The following SYCP2L variants were observed in gnomAD, a reference collection of about 807,000 sequenced individuals.
The protein encoded by SYCP2L is synaptonemal complex protein 2 like, also known as synaptonemal complex protein 2-like.
In SYCP2L, 98 loss-of-function variants were observed where a neutral mutation model predicts 125.8. That is an observed-to-expected ratio of 0.78 (90% CI 0.66 to 0.92). The LOEUF (loss-of-function observed/expected upper bound fraction) is 0.92, where lower values mean the gene tolerates loss of function less well. Ranked by LOEUF, SYCP2L falls within the 40% of genes least tolerant of loss-of-function variation. SYCP2L has a pLI of 0.00. For missense variants in SYCP2L, 842 were observed against 936.4 expected (o/e 0.90, Z 1.32); for synonymous variants, 317 against 325.4 (o/e 0.97, Z 0.28).
At chr6:10,945,299 T>A (rs561735657) in intron 23 of SYCP2L, among the ~76,000 whole-genome samples, 13 of 152,288 alleles carry the variant, frequency 8.5e-5, no homozygotes, top group African/African-American at 3.1e-4. Context: ...ATTCATTAGG[T>A]TACTTTTCTT....
At chr6:10,959,484 A>C (rs1781560667) in intron 26 of SYCP2L, among the ~76,000 whole-genome samples, 1 of 152,250 alleles carries the variant, frequency 6.6e-6, no homozygotes, top group Non-Finnish European at 1.5e-5. Context: ...TGATGGTTAC[A>C]AAACACTGTG....
intron 2 of SYCP2L, among the ~76,000 whole-genome samples, chr6:10,892,385 G>GA (rs1425245214): frequency 1.2e-4 from 18 of 152,158 alleles, no homozygotes; most frequent in Admixed American, 5.2e-4. Context: ...CTGCAGCCTT[G>GA]ACCTCCTGGG....
chr6:10,964,262 TCTC>T (rs1781642701), intron 29 of SYCP2L, among the ~76,000 whole-genome samples: 1 of 152,170 alleles, frequency 6.6e-6, no homozygotes, highest in African/African-American at 2.4e-5. Flanking sequence ...TGGCAGAGCT[TCTC>T]CTTTATAGCA....
chr6:10,887,355 G>A (rs534908455), intron 1 of SYCP2L, among the ~76,000 whole-genome samples: 2 of 152,308 alleles, frequency 1.3e-5, no homozygotes, highest in African/African-American at 2.4e-5. Context: ...GCTAAATAGC[G>A]CTCAGGGAAA....
chr6:10,937,130 A>T (rs1439903408), intron 21 of SYCP2L, among the ~76,000 whole-genome samples: 3 of 152,238 alleles, frequency 2.0e-5, no homozygotes, highest in Admixed American at 6.5e-5. Flanking sequence ...ACAGCAGTGG[A>T]ACACTTATTC....
At chr6:10,972,682 CTTTCGCTTTTTAT>C (rs1781795997) in intron 29 of SYCP2L, among the ~76,000 whole-genome samples, 1 of 152,150 alleles carries the variant, frequency 6.6e-6, no homozygotes, top group African/African-American at 2.4e-5. Context: ...ATCCTCCCCT[CTTTCGCTTTTTAT>C]TTATTTAGTC....
At chr6:10,922,651 T>A (rs936496895) in intron 14 of SYCP2L, 1 of 152,024 alleles carries the variant, frequency 6.6e-6, no homozygotes, top group Non-Finnish European at 1.5e-5. Flanking sequence ...TAGTTACTTT[T>A]TAAGATATTT....
intron 29 of SYCP2L, among the ~76,000 whole-genome samples, chr6:10,972,898 A>C (rs1213970689): frequency 6.6e-6 from 1 of 152,162 alleles, no homozygotes; most frequent in Non-Finnish European, 1.5e-5. Context: ...TGTCTGCATC[A>C]TAGTGGCCAG....
intron 25 of SYCP2L, among the ~76,000 whole-genome samples, chr6:10,958,344 G>A (rs1465607832): frequency 6.6e-6 from 1 of 152,100 alleles, no homozygotes; most frequent in Non-Finnish European, 1.5e-5. Flanking sequence ...AGGGGGAGCA[G>A]GCGTGTCACA....
At chr6:10,892,390 C>T (rs188440708) in intron 2 of SYCP2L, among the ~76,000 whole-genome samples, 9 of 152,318 alleles carry the variant, frequency 5.9e-5, no homozygotes, top group Admixed American at 3.3e-4. Context: ...GCCTTGACCT[C>T]CTGGGCTCAA....
chr6:10,948,137 C>A (rs990628732), intron 23 of SYCP2L, among the ~76,000 whole-genome samples: 1 of 151,944 alleles, frequency 6.6e-6, no homozygotes, highest in Non-Finnish European at 1.5e-5. Flanking sequence ...GAAATGATTA[C>A]CGTAATCAAG....
chr6:10,949,482 G>GA (rs1781372760), intron 23 of SYCP2L, among the ~76,000 whole-genome samples: 1 of 152,060 alleles, frequency 6.6e-6, no homozygotes, highest in Non-Finnish European at 1.5e-5. Context: ...CTTTCCTTTA[G>GA]ATTTACTGGG....
At chr6:10,929,698 G>A (rs1780956627) in intron 18 of SYCP2L, among the ~76,000 whole-genome samples, 2 of 152,098 alleles carry the variant, frequency 1.3e-5, no homozygotes, top group South Asian at 4.1e-4. Flanking sequence ...ACTTTGGGAG[G>A]CCAAGGTGGG....
At chr6:10,905,755 A>G (rs1303316816) in intron 8 of SYCP2L, among the ~76,000 whole-genome samples, 2 of 152,244 alleles carry the variant, frequency 1.3e-5, no homozygotes, top group African/African-American at 4.8e-5. Context: ...AGATCATCAA[A>G]TTGAATTCAC....
chr6:10,920,271 G>A (rs1315103279), intron 14 of SYCP2L, among the ~76,000 whole-genome samples: 10 of 152,182 alleles, frequency 6.6e-5, no homozygotes, highest in Admixed American at 6.5e-4. Context: ...AGGCTGGAGT[G>A]CAGTGGCGTG....
chr6:10,918,197 C>CA (rs540012555), intron 14 of SYCP2L, among the ~76,000 whole-genome samples: 2,518 of 77,602 alleles, frequency 0.032, 41 homozygotes, highest in African/African-American at 0.078. Context: ...GACTCCATCT[C>CA]AAAAAAAAAA....
chr6:10,972,522 G>T (rs544455918), intron 29 of SYCP2L, among the ~76,000 whole-genome samples: 2 of 152,278 alleles, frequency 1.3e-5, no homozygotes, highest in South Asian at 4.1e-4. Context: ...TAGGGACCTG[G>T]GTTCTTTGAG....
At chr6:10,962,084 G>T (rs1393634199) in intron 28 of SYCP2L, among the ~76,000 whole-genome samples, 1 of 152,146 alleles carries the variant, frequency 6.6e-6, no homozygotes, top group East Asian at 1.9e-4. Flanking sequence ...GCCCAAGGAA[G>T]GGGAGAGTTG....
rs771830645 is a variant in SYCP2L at position 10,927,219 on chromosome 6, T to C, written c.1313-21T>C. ...AGCGTGTGCACGGTTATTATATTAG[T>C]CTTTTTCTTAATTTGTATAGAGCAG... On this transcript the variant is annotated intron_variant, in intron 16 of 29. Coordinates refer to ENST00000283141, the MANE Select transcript of SYCP2L (RefSeq NM_001040274.3). 3.2e-5 allele frequency: 51 copies of C among 1,613,414 alleles called. No individual in the cohort carries two copies. In the Admixed American group the frequency reaches 8.2e-4, roughly 26 times the overall value.
Sources: allele counts gnomAD v4.1 joint callset (sites outside exome capture counted in the v4.1 genomes callset), GRCh38; gene constraint gnomAD v4.1.1; transcripts MANE v1.5; gene names NCBI Gene and HGNC (gene_info 2026-07-23, HGNC 2026-07-21).